The following SHLD1 variants were observed in gnomAD, a reference collection of about 807,000 sequenced individuals.
The protein encoded by SHLD1 is RINN1-REV7-interacting novel NHEJ regulator 3.
In SHLD1, 3 loss-of-function variants were observed where a neutral mutation model predicts 5.5. The ratio of observed to expected loss-of-function variants is 0.54; its 90% CI spans 0.25 to 1.40. SHLD1 has a LOEUF of 1.40. Ranked by LOEUF, SHLD1 falls within the 40% of genes most tolerant of loss-of-function variation. The pLI, the probability that SHLD1 is intolerant of heterozygous loss-of-function variation, is 0.15. For synonymous variants in SHLD1, 92 were observed against 94.3 expected, an observed-to-expected ratio of 0.98 and a Z score of 0.14; for missense variants, 210 against 244.4, an observed-to-expected ratio of 0.86 and a Z score of 0.94.
chr20:5,787,483 A>T (rs961706700), intron 2 of SHLD1, among the ~76,000 whole-genome samples: 31 of 152,210 alleles, frequency 2.0e-4, no homozygotes, highest in Non-Finnish European at 3.8e-4. Flanking sequence ...GAAGTTACAA[A>T]AACCCAGCTT....
intron 2 of SHLD1, among the ~76,000 whole-genome samples, chr20:5,839,384 A>G (rs1308344404): frequency 6.6e-6 from 1 of 152,170 alleles, no homozygotes. Context: ...ACATATTGAT[A>G]TATTTATTTT....
At chr20:5,817,416 CTCTCTCTCTCTCTCTCTGTGTGTGTGTG>C (rs1467747759) in intron 2 of SHLD1, among the ~76,000 whole-genome samples, 5 of 137,776 alleles carry the variant, frequency 3.6e-5, no homozygotes, top group African/African-American at 1.4e-4. Flanking sequence ...CTCTCTCTCT[CTCTCTCTCTCTCTCTCTGTGTGTGTGTG>C]TGTGTGTGTG....
intron 2 of SHLD1, among the ~76,000 whole-genome samples, chr20:5,807,451 G>A (rs1047972019): frequency 2.0e-5 from 3 of 151,236 alleles, no homozygotes; most frequent in Non-Finnish European, 2.9e-5. Flanking sequence ...TCTCACTGCA[G>A]CCTTGAACTC....
intron 2 of SHLD1, among the ~76,000 whole-genome samples, chr20:5,784,790 T>C (rs1480330327): frequency 6.6e-6 from 1 of 152,200 alleles, no homozygotes; most frequent in Non-Finnish European, 1.5e-5. Context: ...ATTTGCCACC[T>C]GTGACATCTC....
intron 2 of SHLD1, among the ~76,000 whole-genome samples, chr20:5,846,187 T>C (rs2087930742): frequency 1.3e-5 from 2 of 152,214 alleles, no homozygotes; most frequent in South Asian, 2.1e-4. Flanking sequence ...ATCTAAGAAC[T>C]ACCAAATATT....
intron 1 of SHLD1, among the ~76,000 whole-genome samples, chr20:5,770,201 T>A (rs1985078143): frequency 6.6e-6 from 1 of 152,096 alleles, no homozygotes; most frequent in Admixed American, 6.6e-5. Context: ...TGTTTTTTGA[T>A]GAAAACTTTT....
chr20:5,750,999 A>G (rs1983716090), intron 1 of SHLD1, among the ~76,000 whole-genome samples: 2 of 152,138 alleles, frequency 1.3e-5, no homozygotes, highest in African/African-American at 4.8e-5. Flanking sequence ...AACGTACCCA[A>G]AAATAAATAA....
At chr20:5,789,574 T>C (rs6053697) in intron 2 of SHLD1, among the ~76,000 whole-genome samples, 41,135 of 129,360 alleles carry the variant, frequency 0.32, 5,895 homozygotes, top group Middle Eastern at 0.38. Flanking sequence ...CAAAACTTGA[T>C]CTAAAAAAAA....
chr20:5,757,071 CTTTTTTTTT>C (rs753877287), intron 1 of SHLD1, among the ~76,000 whole-genome samples: 2 of 123,226 alleles, frequency 1.6e-5, no homozygotes, highest in Non-Finnish European at 1.7e-5. Flanking sequence ...TTCTTTCTTT[CTTTTTTTTT>C]TTTTTTTTTT....
intron 1 of SHLD1, among the ~76,000 whole-genome samples, chr20:5,768,385 T>C (rs992631103): frequency 3.2e-4 from 48 of 152,242 alleles, no homozygotes; most frequent in African/African-American, 1.1e-3. Context: ...TGCCCCACGC[T>C]TGGGGAGAAC....
chr20:5,801,170 C>T (rs572272466), intron 2 of SHLD1, among the ~76,000 whole-genome samples: 1 of 151,634 alleles, frequency 6.6e-6, no homozygotes, highest in South Asian at 2.1e-4. Context: ...CTCCATCTCC[C>T]AGGTTCAAGC....
chr20:5,830,620 A>T (rs1047287765), intron 2 of SHLD1, among the ~76,000 whole-genome samples: 1 of 151,774 alleles, frequency 6.6e-6, no homozygotes, highest in Non-Finnish European at 1.5e-5. Context: ...CCCAGGAGGC[A>T]GAGGTTGCAG....
At chr20:5,759,995 C>CAT (rs1984367487) in intron 1 of SHLD1, among the ~76,000 whole-genome samples, 1 of 151,956 alleles carries the variant, frequency 6.6e-6, no homozygotes, top group Non-Finnish European at 1.5e-5. Context: ...TTTATACACA[C>CAT]ACACACACAC....
At chr20:5,844,475 G>T (rs1407703392) in intron 2 of SHLD1, among the ~76,000 whole-genome samples, 2 of 152,092 alleles carry the variant, frequency 1.3e-5, no homozygotes, top group African/African-American at 4.8e-5. Flanking sequence ...TGGCTGGAGG[G>T]CTCTACCAGC....
chr20:5,804,764 A>G (rs891032505), intron 2 of SHLD1, among the ~76,000 whole-genome samples: 8 of 152,358 alleles, frequency 5.3e-5, no homozygotes, highest in Admixed American at 3.3e-4. Flanking sequence ...TTTGCATGAG[A>G]TGTTTCCTAT....
intron 2 of SHLD1, among the ~76,000 whole-genome samples, chr20:5,840,219 G>T (rs1419837238): frequency 6.6e-6 from 1 of 152,166 alleles, no homozygotes; most frequent in Non-Finnish European, 1.5e-5. Flanking sequence ...CTAGCTAGCT[G>T]CATGCCTTTG....
chr20:5,794,485 A>G (rs1157423446), intron 2 of SHLD1, among the ~76,000 whole-genome samples: 1 of 152,244 alleles, frequency 6.6e-6, no homozygotes, highest in Non-Finnish European at 1.5e-5. Flanking sequence ...GACCAAAAGT[A>G]TCTATAGAAT....
intron 2 of SHLD1, among the ~76,000 whole-genome samples, chr20:5,802,182 A>G (rs942752053): frequency 1.3e-5 from 2 of 152,098 alleles, no homozygotes; most frequent in Non-Finnish European, 2.9e-5. Flanking sequence ...CCAGATCCCA[A>G]CTTCCCTTGT....
chr20:5,757,974 T>TGGC (rs1984218215), intron 1 of SHLD1, among the ~76,000 whole-genome samples: 2 of 152,160 alleles, frequency 1.3e-5, no homozygotes, highest in African/African-American at 2.4e-5. Flanking sequence ...AGTATGATCC[T>TGGC]CTTATATGTT....
Sources: gnomAD v4.1 joint callset for allele counts (sites outside exome capture counted in the v4.1 genomes callset) on GRCh38, gnomAD v4.1.1 for gene constraint, MANE v1.5 for transcripts, NCBI Gene and HGNC (gene_info 2026-07-23, HGNC 2026-07-21) for gene names.